RARS1: variants seen among roughly 807,000 people sequenced by gnomAD.
RARS1 encodes the protein arginine--tRNA ligase, cytoplasmic.
RARS1 carries 75 observed loss-of-function variants against 78.7 expected under a neutral mutation model. That is an observed-to-expected ratio of 0.95 (90% confidence interval 0.79 to 1.15). The LOEUF is 1.15. RARS1 is among the 50% of genes most tolerant of loss of function. RARS1 has a pLI of 0.00. For missense variants in RARS1, 787 were observed against 787.5 expected, an observed-to-expected ratio of 1.00 and a Z score of 0.01; for synonymous variants, 273 against 268.2, an observed-to-expected ratio of 1.02 and a Z score of -0.18.
chr5:168,491,858 T>G (rs140558780), intron 2 of RARS1, among the ~76,000 whole-genome samples: 88 of 152,218 alleles, frequency 5.8e-4, no homozygotes, highest in African/African-American at 2.0e-3. Flanking sequence ...AAAATTGTGA[T>G]GAACATGTTG....
Position 168,504,015 on chromosome 5 carries a change from C to T in RARS1, c.1057+1910C>T, listed in dbSNP as rs544967008. 6.7e-5 allele frequency among the ~76,000 whole-genome samples: 10 copies of T among 150,222 alleles called. No homozygotes were observed. The East Asian group carries it at 1.4e-3, about 21-fold the overall frequency. ...ATTTGAGGTTACAGTGAGCTATGCTCACACCACTGCACTACAGCCTGGGAA... is the reference window on the plus strand; with the variant it reads ...ATTTGAGGTTACAGTGAGCTATGCTTACACCACTGCACTACAGCCTGGGAA... On this transcript the variant is annotated intron_variant, in intron 9 of 14. Coordinates refer to ENST00000231572, the MANE Select transcript of RARS1 (RefSeq NM_002887.4).
intron 12 of RARS1, among the ~76,000 whole-genome samples, chr5:168,514,595 G>T (rs1412449364): frequency 6.6e-6 from 1 of 152,058 alleles, no homozygotes; most frequent in Non-Finnish European, 1.5e-5. Flanking sequence ...ATAGTACAAA[G>T]AATTTTGTAT....
chr5:168,516,540 C>T (rs1341783156), intron 12 of RARS1, among the ~76,000 whole-genome samples: 1 of 152,182 alleles, frequency 6.6e-6, no homozygotes, highest in Non-Finnish European at 1.5e-5. Context: ...TGACATTTTA[C>T]ATTTTACAAA....
At chr5:168,510,360 A>C (rs1204526550) in intron 11 of RARS1, among the ~76,000 whole-genome samples, 2 of 152,208 alleles carry the variant, frequency 1.3e-5, no homozygotes, top group African/African-American at 4.8e-5. Context: ...ACTTGAAAGC[A>C]CAGTGTTTCA....
In RARS1 at chr5:168,492,649, T is replaced by A. The variant is rs778551102; in HGVS notation, c.181-10T>A. The A allele has an allele frequency of 1.7e-4, 273 of 1,568,068 alleles. No homozygotes were observed. Among genetic ancestry groups the A allele is most frequent in the Non-Finnish European group, 6.0e-5 (68 of 1,141,434 alleles). On this transcript the variant is annotated splice_polypyrimidine_tract_variant and intron_variant, in intron 2 of 14. Coordinates refer to ENST00000231572, the MANE Select transcript of RARS1 (RefSeq NM_002887.4). Reference sequence around the variant, plus strand: ...TACATTATTGACATGTTTCCATTCTTTTCCTACAGAGTCTTCAGGCAGAAA... The same window carrying A: ...TACATTATTGACATGTTTCCATTCTATTCCTACAGAGTCTTCAGGCAGAAA...
At chr5:168,500,378 T>C (rs906075296) in intron 7 of RARS1, among the ~76,000 whole-genome samples, 7 of 152,026 alleles carry the variant, frequency 4.6e-5, no homozygotes, top group African/African-American at 1.7e-4. Flanking sequence ...AAAACTGTGG[T>C]GAGATTTTTG....
At position 168,492,670 on chromosome 5, in the gene RARS1, A is replaced by G; in HGVS notation, c.192A>G (p.Ala64=). 1.9e-6 allele frequency: 3 copies of G among 1,598,006 alleles called. No homozygotes were observed. The highest frequency in any genetic ancestry group is 2.6e-6 in the Non-Finnish European group (3 of 1,166,368). ...RLNILRKSLQ[A]ERNKPTKNMI... The stretch of plus-strand genomic sequence containing the variant: ...TTCTTTTCCTACAGAGTCTTCAGGC[A>G]GAAAGGAACAAACCAACTAAAAATA... The change falls in exon 3 of 15, where the codon GCA becomes GCG. Residue 64 remains alanine, a synonymous_variant. Coordinates refer to ENST00000231572, the MANE Select transcript of RARS1 (RefSeq NM_002887.4).
chr5:168,518,166 C>A, intron 14 of RARS1, 104 bp downstream of exon 14: 1 of 1,291,926 alleles, frequency 7.7e-7, no homozygotes, highest in Non-Finnish European at 9.9e-7. Context: ...TCACTGAAGC[C>A]TCAAACTTCT....
chr5:168,518,462 C>T (rs997691208), intron 14 of RARS1, among the ~76,000 whole-genome samples: 26 of 152,044 alleles, frequency 1.7e-4, no homozygotes, highest in Admixed American at 1.4e-3. Context: ...TACTTTTCTA[C>T]AATTAGGCAC....
In RARS1 at chr5:168,508,748, AT is replaced by A. The variant is rs1274625162; in HGVS notation, c.1347-1824del. The stretch of plus-strand genomic sequence containing the variant: ...TTCTGTTTTAATTTTTTGAATGATA[AT>A]TTTTTTTTAATTTCATCATCTTCCT... On this transcript the variant is annotated intron_variant, in intron 11 of 14. Transcript: ENST00000231572. 8.6e-5 allele frequency among the ~76,000 whole-genome samples: 13 copies of A among 150,924 alleles called. No individual in the cohort carries two copies. In the South Asian group the frequency reaches 1.9e-3, roughly 22 times the overall value.
At chr5:168,494,246 G>A in intron 4 of RARS1, 7 of 985,238 alleles carry the variant, frequency 7.1e-6, no homozygotes, top group Non-Finnish European at 8.4e-6. Flanking sequence ...AGCAAAATGA[G>A]GATAGATAAT....
At chr5:168,512,038 T>C (rs1168760537) in intron 12 of RARS1, among the ~76,000 whole-genome samples, 1 of 152,076 alleles carries the variant, frequency 6.6e-6, no homozygotes. Context: ...CTAATTATTG[T>C]ATTTTTTGTA....
Position 168,494,019 on chromosome 5 carries a change from T to C in RARS1, c.478+17T>C, listed in dbSNP as rs1758134637. ...CTGGTCCTGGTATGACATAATGTTA[T>C]CCTTCTTAATAGTTGTATTGAACAT... On this transcript the variant is annotated intron_variant, in intron 4 of 14. Coordinates refer to ENST00000231572, the MANE Select transcript of RARS1 (RefSeq NM_002887.4). The C allele has an allele frequency of 1.3e-6, 2 of 1,560,878 alleles. No homozygotes were observed. Among genetic ancestry groups the C allele is most frequent in the Non-Finnish European group, 1.8e-6 (2 of 1,135,874 alleles).
Position 168,506,796 on chromosome 5 carries a change from C to G in RARS1, c.1311C>G (p.Phe437Leu), listed in dbSNP as rs750158946. The G allele has an allele frequency of 1.2e-6, 2 of 1,613,530 alleles. No homozygotes were observed. The highest frequency in any genetic ancestry group is 1.7e-6 in the Non-Finnish European group (2 of 1,179,550). The change falls in exon 11 of 15, where the codon TTC becomes TTG. Residue 437 changes from phenylalanine to leucine, a missense_variant. Phe to Leu is a conservative substitution (Grantham distance 22). Coordinates refer to ENST00000231572, the MANE Select transcript of RARS1 (RefSeq NM_002887.4). ...ATGACCCTAAAGTAACTCGAGTCTT[C>G]CATGCTGGATTTGGTGTGGTGCTAG... ...GWYDPKVTRV[F>L]HAGFGVVLGE...
intron 7 of RARS1, among the ~76,000 whole-genome samples, chr5:168,499,065 C>T (rs1280338156): frequency 6.6e-6 from 1 of 152,070 alleles, no homozygotes; most frequent in African/African-American, 2.4e-5. Flanking sequence ...TGCCTGTAAT[C>T]CTAGCACTTT....
At chr5:168,512,543 T>C (rs147847189) in intron 12 of RARS1, among the ~76,000 whole-genome samples, 74 of 152,248 alleles carry the variant, frequency 4.9e-4, no homozygotes, top group Middle Eastern at 3.4e-3. Context: ...AAAGGGATGT[T>C]TATTAAGTAT....
chr5:168,501,506 T>C lies in RARS1; in HGVS notation c.953-495T>C, dbSNP rs766995303. ...GGGAGGCCGAGGCGGGTGGATCACC[T>C]GAGATCAGGAGTTCGAGACCAGCCT... On this transcript the variant is annotated intron_variant, in intron 8 of 14. Coordinates refer to ENST00000231572, the MANE Select transcript of RARS1 (RefSeq NM_002887.4). Among the ~76,000 whole-genome samples the C allele has an allele frequency of 6.6e-4, 100 of 152,216 alleles. 1 individual carries two copies. Among genetic ancestry groups the C allele is most frequent in the Non-Finnish European group, 6.8e-4 (46 of 68,036 alleles).
chr5:168,518,091 T>TTTTTTTTTTTTTTTC, intron 14 of RARS1, 29 bp downstream of exon 14: 1 of 1,427,318 alleles, frequency 7.0e-7, no homozygotes, highest in Non-Finnish European at 9.1e-7. Context: ...TTTTTTTTTT[T>TTTTTTTTTTTTTTTC]TTTTAGTGAG....
In RARS1 at chr5:168,506,650, A is replaced by G; in HGVS notation, c.1237-72A>G. 3.4e-6 allele frequency: 4 copies of G among 1,186,728 alleles called. No homozygotes were observed. The South Asian group carries it at 5.5e-5, about 16-fold the overall frequency. 73.5% of individuals were successfully genotyped at this position (1,186,728 alleles called of 1,614,324 possible). On this transcript the variant is annotated intron_variant, in intron 10 of 14. Coordinates refer to ENST00000231572, the MANE Select transcript of RARS1 (RefSeq NM_002887.4). ...TTTGAATTTTACAGATCTATTCCTAAGCAAAAGAGCCTTAAGTCTTTTTTT... is the reference window on the plus strand; with the variant it reads ...TTTGAATTTTACAGATCTATTCCTAGGCAAAAGAGCCTTAAGTCTTTTTTT...
Sources: allele counts gnomAD v4.1 joint callset (sites outside exome capture counted in the v4.1 genomes callset), GRCh38; gene constraint gnomAD v4.1.1; transcripts MANE v1.5; gene names NCBI Gene and HGNC (gene_info 2026-07-23, HGNC 2026-07-21).